The following GPC6 variants were observed in gnomAD, a reference collection of about 807,000 sequenced individuals.
GPC6 encodes glypican-6.
Under a neutral mutation model 55.2 loss-of-function variants are expected in GPC6, and 14 were observed. That is an observed-to-expected ratio of 0.25 (90% CI 0.17 to 0.40). The LOEUF (loss-of-function observed/expected upper bound fraction) is 0.40, where lower values mean the gene tolerates loss of function less well. Ranked by LOEUF, GPC6 falls within the 10% of genes least tolerant of loss-of-function variation. The pLI is 1.00. For missense variants in GPC6, 641 were observed against 708.5 expected, an observed-to-expected ratio of 0.90 and a Z score of 1.08; for synonymous variants, 278 against 259.6, an observed-to-expected ratio of 1.07 and a Z score of -0.68.
intron 3 of GPC6, 67 bp downstream of exon 3, chr13:93,830,612 TAAAAAAAAAAA>T (rs369020255): frequency 4.9e-5 from 16 of 326,446 alleles, no homozygotes; most frequent in Admixed American, 6.7e-5. Context: ...AACCAATGTT[TAAAAAAAAAAA>T]AAAAAAAAAA....
intron 2 of GPC6, among the ~76,000 whole-genome samples, chr13:93,777,942 C>T (rs949879506): frequency 6.6e-6 from 1 of 152,124 alleles, no homozygotes; most frequent in African/African-American, 2.4e-5. Flanking sequence ...TCCACCGGAC[C>T]TTCATTTATA....
At chr13:93,680,228 G>A (rs1370461569) in intron 2 of GPC6, among the ~76,000 whole-genome samples, 1 of 152,084 alleles carries the variant, frequency 6.6e-6, no homozygotes, top group Non-Finnish European at 1.5e-5. Context: ...ACAAATGGAA[G>A]GAAGACAGTG....
intron 1 of GPC6, among the ~76,000 whole-genome samples, chr13:93,344,739 A>C (rs1192765255): frequency 6.6e-6 from 1 of 152,174 alleles, no homozygotes; most frequent in African/African-American, 2.4e-5. Context: ...TCTGGTTACC[A>C]CCAGGGACTT....
intron 7 of GPC6, among the ~76,000 whole-genome samples, chr13:94,392,161 C>T (rs983940490): frequency 2.0e-5 from 3 of 152,022 alleles, no homozygotes; most frequent in African/African-American, 7.3e-5. Context: ...TATCTGTATA[C>T]TTCTCTTCAC....
At chr13:94,399,775 A>C (rs1045744814) in intron 8 of GPC6, among the ~76,000 whole-genome samples, 3 of 152,204 alleles carry the variant, frequency 2.0e-5, no homozygotes, top group African/African-American at 7.2e-5. Flanking sequence ...TATGGCTGTA[A>C]AATTCCTCAA....
intron 1 of GPC6, among the ~76,000 whole-genome samples, chr13:93,477,958 A>G (rs188535706): frequency 6.6e-6 from 1 of 151,912 alleles, no homozygotes; most frequent in Admixed American, 6.6e-5. Context: ...TATATAAGAT[A>G]GTTAATGGTA....
At chr13:93,946,862 C>T (rs1357295433) in intron 3 of GPC6, among the ~76,000 whole-genome samples, 1 of 152,152 alleles carries the variant, frequency 6.6e-6, no homozygotes, top group Non-Finnish European at 1.5e-5. Flanking sequence ...CTAAAACTCT[C>T]ATCTAGCACT....
chr13:94,321,645 G>C (rs1295706097), intron 6 of GPC6, among the ~76,000 whole-genome samples: 1 of 152,104 alleles, frequency 6.6e-6, no homozygotes, highest in Non-Finnish European at 1.5e-5. Context: ...TGAGTTCTCT[G>C]TTTCTGATAA....
chr13:94,326,984 A>G (rs1877153972), intron 6 of GPC6, among the ~76,000 whole-genome samples: 2 of 152,340 alleles, frequency 1.3e-5, no homozygotes, highest in South Asian at 4.1e-4. Flanking sequence ...GTATTTTATC[A>G]ACAATAACGT....
At chr13:94,063,688 G>A (rs955525676) in intron 4 of GPC6, among the ~76,000 whole-genome samples, 12 of 152,134 alleles carry the variant, frequency 7.9e-5, no homozygotes, top group Non-Finnish European at 1.5e-4. Context: ...TTCATGCTAG[G>A]AGAACTGATT....
In GPC6 at chr13:94,111,566, A is replaced by T. The variant is rs116680975; in HGVS notation, c.877+83672A>T. Among the ~76,000 whole-genome samples the T allele has an allele frequency of 4.0e-3, 610 of 151,670 alleles. 9 individuals are homozygous for T. Among genetic ancestry groups the T allele is most frequent in the African/African-American group, 0.014 (568 of 41,456 alleles). Reference sequence around the variant, plus strand: ...ACTCATGGACATTTTATCCTACAAGATTCACCTGATATGTCAGTGCTCCTG... The same window carrying T: ...ACTCATGGACATTTTATCCTACAAGTTTCACCTGATATGTCAGTGCTCCTG... On this transcript the variant is annotated intron_variant, in intron 4 of 8. Coordinates refer to ENST00000377047, the MANE Select transcript of GPC6 (RefSeq NM_005708.5).
At chr13:94,302,957 G>C (rs2139107304) in intron 5 of GPC6, among the ~76,000 whole-genome samples, 1 of 152,376 alleles carries the variant, frequency 6.6e-6, no homozygotes, top group East Asian at 1.9e-4. Flanking sequence ...TAGCCGTGCA[G>C]GAACAATGGC....
At chr13:93,984,750 C>G (rs1375319279) in intron 3 of GPC6, among the ~76,000 whole-genome samples, 2 of 152,074 alleles carry the variant, frequency 1.3e-5, no homozygotes, top group Non-Finnish European at 2.9e-5. Flanking sequence ...CATGTGCAAA[C>G]TAAAAGGCAT....
chr13:93,886,095 A>G lies in GPC6; in HGVS notation c.711+55550A>G, dbSNP rs940074013. 5.9e-5 allele frequency among the ~76,000 whole-genome samples: 9 copies of G among 152,250 alleles called. No homozygotes were observed. The South Asian group carries it at 1.7e-3, about 28-fold the overall frequency. On this transcript the variant is annotated intron_variant, in intron 3 of 8. Transcript: ENST00000377047. ...CAAAATGAATAAAATATTGAATTTAAGTATAAAAATTATGGCTATGCCAAA... is the reference window on the plus strand; with the variant it reads ...CAAAATGAATAAAATATTGAATTTAGGTATAAAAATTATGGCTATGCCAAA...
intron 4 of GPC6, among the ~76,000 whole-genome samples, chr13:94,063,465 A>T (rs1884407333): frequency 6.6e-6 from 1 of 152,102 alleles, no homozygotes; most frequent in Non-Finnish European, 1.5e-5. Flanking sequence ...TAACATAGGA[A>T]TTTTTTTTAA....
At chr13:93,486,960 A>G (rs1264636448) in intron 1 of GPC6, among the ~76,000 whole-genome samples, 4 of 151,800 alleles carry the variant, frequency 2.6e-5, no homozygotes, top group Non-Finnish European at 5.9e-5. Flanking sequence ...AAAAAAAACA[A>G]AAAAACCCCA....
At chr13:94,188,183 T>A (rs1213597363) in intron 4 of GPC6, among the ~76,000 whole-genome samples, 1 of 151,960 alleles carries the variant, frequency 6.6e-6, no homozygotes, top group Non-Finnish European at 1.5e-5. Context: ...TAGAAAGGAG[T>A]GTGTGCACTA....
At chr13:93,405,617 C>G (rs17267683) in intron 1 of GPC6, among the ~76,000 whole-genome samples, 31,099 of 151,946 alleles carry the variant, frequency 0.2, 3,269 homozygotes, top group Non-Finnish European at 0.23. Context: ...AATCTTACCA[C>G]TGAAATTTTC....
At chr13:94,065,032 C>G (rs1884467570) in intron 4 of GPC6, among the ~76,000 whole-genome samples, 1 of 152,052 alleles carries the variant, frequency 6.6e-6, no homozygotes, top group Admixed American at 6.6e-5. Context: ...TCATAAACAC[C>G]TAAGTAAATG....
Sources: gnomAD v4.1 joint callset for allele counts (sites outside exome capture counted in the v4.1 genomes callset) on GRCh38, gnomAD v4.1.1 for gene constraint, MANE v1.5 for transcripts, NCBI Gene and HGNC (gene_info 2026-07-23, HGNC 2026-07-21) for gene names.